The following SNX17 variants were observed in gnomAD, a reference collection of about 807,000 sequenced individuals.
SNX17 encodes sorting nexin-17.
SNX17 carries 35 observed loss-of-function variants against 64.3 expected under a neutral mutation model. The ratio of observed to expected loss-of-function variants is 0.54; its 90% CI spans 0.42 to 0.72. The LOEUF (loss-of-function observed/expected upper bound fraction) is 0.72. Among genes scored for constraint, SNX17 ranks in the 30% least tolerant of loss-of-function variants. SNX17 has a pLI of 0.00. For missense variants in SNX17, 538 were observed against 610.0 expected (o/e 0.88, Z 1.24); for synonymous variants, 259 against 230.2 (o/e 1.13, Z -1.13).
chr2:27,375,376 G>A lies in SNX17; in HGVS notation c.775-130G>A, dbSNP rs1017891058. On this transcript the variant is annotated intron_variant, in intron 9 of 14. Coordinates refer to ENST00000233575, the MANE Select transcript of SNX17 (RefSeq NM_014748.4). This position sits in a 1 kb window ranked among gnomAD's most constrained non-coding sequence, Gnocchi z 4.1. ...GATGGTCTTGAGCTCCTGACCTTGT[G>A]ATCTGTCTGCCTCTGCCTCCTAAAG... 6.1e-6 allele frequency: 6 copies of A among 979,774 alleles called. No individual in the cohort carries two copies. The African/African-American group carries it at 9.6e-5, about 16-fold the overall frequency. The allele number at this position is 979,774 out of a possible 1,614,324, so 60.7% of individuals were successfully genotyped here. A position where few individuals can be genotyped will look rare whatever the true frequency, so the allele number is the denominator to read the frequency against.
rs557537959 is a variant in SNX17 at position 27,370,809 on chromosome 2, G to A, written c.63+3G>A. On this transcript the variant is annotated splice_donor_region_variant and intron_variant, in intron 1 of 14. Transcript: ENST00000233575. ...ACAGCGGCGGCTCCGCCTACGTGGT[G>A]AGGAGCGGCCGGAGCCGAGCCGGGC... 2 of 1,542,640 alleles carry A rather than the reference G, an allele frequency of 1.3e-6. No homozygotes were observed. The highest frequency in any genetic ancestry group is 2.4e-5 in the South Asian group (2 of 83,868).
chr2:27,373,915 G>C lies in SNX17; in HGVS notation c.376G>C (p.Gly126Arg). ...EVSLEVLLSN[G>R]QKVLVNVLTS... ...GTCCTTGGAAGTGCTGCTCAGCAAC[G>C]GGCAGAAAGTTCTGGTCAACGTGCT... The change falls in exon 5 of 15, where the codon GGG (glycine) becomes CGG (arginine). Residue 126 changes from glycine (G) to arginine (R), a missense_variant. Transcript: ENST00000233575. 2 of 1,614,158 alleles carry C rather than the reference G, an allele frequency of 1.2e-6. No individual in the cohort carries two copies. Among genetic ancestry groups the C allele is most frequent in the Non-Finnish European group, 1.7e-6 (2 of 1,180,028 alleles).
chr2:27,374,926 CA>C (rs1219934564), intron 8 of SNX17, 134 bp from the exon 9 acceptor site: 2 of 959,480 alleles, frequency 2.1e-6, no homozygotes, highest in African/African-American at 4.3e-5. Context: ...ATTAAGCTGA[CA>C]AGATCAAGGA....
intron 1 of SNX17, 122 bp downstream of exon 1, chr2:27,370,928 C>T: frequency 9.2e-7 from 1 of 1,091,934 alleles, no homozygotes; most frequent in Non-Finnish European, 1.3e-6. Flanking sequence ...GCCGCCGACT[C>T]CCGACGGCCT....
Position 27,376,698 on chromosome 2 carries a change from C to T in SNX17, c.1392C>T (p.Gly464=), listed in dbSNP as rs1341463813. The T allele has an allele frequency of 1.2e-6, 2 of 1,614,134 alleles. No individual in the cohort carries two copies. Among genetic ancestry groups the T allele is most frequent in the East Asian group, 4.5e-5 (2 of 44,890 alleles). The change falls in exon 15 of 15, where the codon GGC becomes GGT. Residue 464 remains glycine (G), a synonymous_variant. Coordinates refer to ENST00000233575, the MANE Select transcript of SNX17 (RefSeq NM_014748.4). ...SDVHGNFAFE[G]IGDEDL ...TCCACGGCAATTTCGCCTTCGAGGGCATTGGAGATGAGGATCTGTAATCTC... is the reference window on the plus strand; with the variant it reads ...TCCACGGCAATTTCGCCTTCGAGGGTATTGGAGATGAGGATCTGTAATCTC...
At position 27,376,603 on chromosome 2, in the gene SNX17, C is replaced by T. The variant is rs565184583; in HGVS notation, c.1300-3C>T. On this transcript the variant is annotated splice_region_variant and splice_polypyrimidine_tract_variant and intron_variant, in intron 14 of 14. Transcript: ENST00000233575. ...CTCTGACCCCACCCTGCCTTTGTTACAGAGTAAGCTGAGTGCCGTGAGCTT... is the reference window on the plus strand; with the variant it reads ...CTCTGACCCCACCCTGCCTTTGTTATAGAGTAAGCTGAGTGCCGTGAGCTT... The T allele has an allele frequency of 1.9e-6, 3 of 1,614,198 alleles. No individual in the cohort carries two copies. Among genetic ancestry groups the T allele is most frequent in the Admixed American group, 3.3e-5 (2 of 60,020 alleles).
chr2:27,376,492 C>G lies in SNX17; in HGVS notation c.1271C>G (p.Ala424Gly), dbSNP rs759626861. 2 of 1,614,156 alleles carry G rather than the reference C, an allele frequency of 1.2e-6. No individual in the cohort carries two copies. The change falls in exon 14 of 15, where the codon GCC (alanine) becomes GGC (glycine). Residue 424 changes from alanine (A) to glycine (G), a missense_variant. Ala to Gly is a moderately conservative substitution (Grantham distance 60, BLOSUM62 0). Around this residue, in one of 3 missense-constraint regions of SNX17, gnomAD observed 505 missense variants for 550.4 expected, o/e 0.92. Transcript: ENST00000233575. Reference sequence around the variant, plus strand: ...CTTCTTCCCCAGGAGTCACCTGATGCCACCCGGGAGTCTATGGTCAAACTC... The same window carrying G: ...CTTCTTCCCCAGGAGTCACCTGATGGCACCCGGGAGTCTATGGTCAAACTC... Reference protein sequence around the residue: ...KSPPLLESPDATRESMVKLSS... With the variant: ...KSPPLLESPDGTRESMVKLSS...
intron 8 of SNX17, 118 bp downstream of exon 8, chr2:27,374,876 T>C: frequency 9.5e-7 from 1 of 1,052,680 alleles, no homozygotes; most frequent in Non-Finnish European, 1.5e-6. Context: ...CCTAGAATAC[T>C]ATCAGTGCTG....
In SNX17 at chr2:27,376,399, C is replaced by T. The variant is rs376487250; in HGVS notation, c.1257+12C>T. On this transcript the variant is annotated intron_variant, in intron 13 of 14. Coordinates refer to ENST00000233575, the MANE Select transcript of SNX17 (RefSeq NM_014748.4). ...CCCCACCACTGCTTGTAAGTATTAC[C>T]TCCTGGTCAGAACCCTGGCTCTCAG... is the stretch of plus-strand genomic sequence containing the variant. The T allele has an allele frequency of 1.5e-5, 25 of 1,613,956 alleles. No homozygotes were observed. Among genetic ancestry groups the T allele is most frequent in the East Asian group, 2.2e-5 (1 of 44,872 alleles).
Position 27,377,130 on chromosome 2 carries a change from C to T in SNX17, c.*411C>T, listed in dbSNP as rs1182465604. On this transcript the variant is annotated 3_prime_UTR_variant, in exon 15 of 15. Coordinates refer to ENST00000233575, the MANE Select transcript of SNX17 (RefSeq NM_014748.4). The surrounding 1 kb of genome is among the most constrained non-coding windows in gnomAD (Gnocchi z 4.4). ...TAAACTCAGCCTGACTGCTGCCTAC[C>T]TCTGGTTCCCTCTCACTGCCCCTGC... The T allele has an allele frequency of 3.9e-5, 16 of 410,608 alleles. No individual in the cohort carries two copies. The highest frequency in any genetic ancestry group is 3.1e-4 in the South Asian group (14 of 45,324). 25.4% of individuals were successfully genotyped at this position (410,608 alleles called of 1,614,324 possible). A position where few individuals can be genotyped will look rare whatever the true frequency, so the allele number is the denominator to read the frequency against.
chr2:27,376,639 G>C lies in SNX17; in HGVS notation c.1333G>C (p.Gly445Arg). ...GAGTGCCGTGAGCTTGCGGGGAATT[G>C]GCAGTCCCAGCACAGATGCCAGTGC... ...KLSAVSLRGI[G>R]SPSTDASASD... The change falls in exon 15 of 15, where the codon GGC becomes CGC. Residue 445 changes from glycine (G) to arginine (R), a missense_variant. This residue lies in a region of SNX17 where 505 missense variants were observed against 550.4 expected (regional missense o/e 0.92). Transcript: ENST00000233575. The C allele has an allele frequency of 6.2e-7, 1 of 1,614,172 alleles. No homozygotes were observed. The highest frequency in any genetic ancestry group is 1.1e-5 in the South Asian group (1 of 91,088).
rs572827413 is a variant in SNX17, at chr2:27,377,308, A to G, written c.*589A>G. The G allele has an allele frequency of 1.7e-5, 11 of 650,666 alleles. No homozygotes were observed. Among genetic ancestry groups the G allele is most frequent in the African/African-American group, 5.4e-5 (3 of 55,142 alleles). 40.3% of individuals were successfully genotyped at this position (650,666 alleles called of 1,614,324 possible). On this transcript the variant is annotated 3_prime_UTR_variant, in exon 15 of 15. Coordinates refer to ENST00000233575, the MANE Select transcript of SNX17 (RefSeq NM_014748.4). This position sits in a 1 kb window ranked among gnomAD's most constrained non-coding sequence, Gnocchi z 4.4. ...CAGGTGGGAGGCTGGGCAGTCCCCC[A>G]GCCGGTTTGTCCACAGCCCCTGGGG...
chr2:27,376,719 A>G lies in SNX17; in HGVS notation c.1413A>G (p.Ter471=). The change falls in exon 15 of 15, where the codon TAA becomes TAG. Residue 471 remains the stop codon, a stop_retained_variant. Coordinates refer to ENST00000233575, the MANE Select transcript of SNX17 (RefSeq NM_014748.4). The part of the protein sequence containing the change: ...AFEGIGDEDL[*] ...AGGGCATTGGAGATGAGGATCTGTAATCTCCACTGCTTGGATGTCTGCCCT... is the reference window on the plus strand; with the variant it reads ...AGGGCATTGGAGATGAGGATCTGTAGTCTCCACTGCTTGGATGTCTGCCCT... 6.2e-7 allele frequency: 1 copy of G among 1,612,350 alleles called. No homozygotes were observed. The highest frequency in any genetic ancestry group is 8.5e-7 in the Non-Finnish European group (1 of 1,178,412).
At chr2:27,370,918 G>T in intron 1 of SNX17, 112 bp downstream of exon 1, 2 of 1,218,822 alleles carry the variant, frequency 1.6e-6, no homozygotes, top group Non-Finnish European at 2.2e-6. Flanking sequence ...CTGGTCCTGG[G>T]CCGCCGACTC....
chr2:27,376,682 A>AT lies in SNX17; in HGVS notation c.1379dup (p.Ala461ArgfsTer8). 6.2e-7 allele frequency: 1 copy of AT among 1,614,140 alleles called. No homozygotes were observed. The highest frequency in any genetic ancestry group is 8.5e-7 in the Non-Finnish European group (1 of 1,180,012). ...GCCAGTGCCAGTGATGTCCACGGCA[A>AT]TTTCGCCTTCGAGGGCATTGGAGAT... On this transcript the variant is annotated frameshift_variant, in exon 15 of 15. Coordinates refer to ENST00000233575, the MANE Select transcript of SNX17 (RefSeq NM_014748.4). LOFTEE classifies it high-confidence loss of function.
chr2:27,376,093 T>C lies in SNX17; in HGVS notation c.1105-13T>C. ...ACCACTCTCATCAAGCTGGACACTCTTCTTGCCCTCAGGCTATCATGATGA... is the reference window on the plus strand; with the variant it reads ...ACCACTCTCATCAAGCTGGACACTCCTCTTGCCCTCAGGCTATCATGATGA... On this transcript the variant is annotated splice_polypyrimidine_tract_variant and intron_variant, in intron 11 of 14. Transcript: ENST00000233575. 6.2e-7 allele frequency: 1 copy of C among 1,614,148 alleles called. No individual in the cohort carries two copies. Among genetic ancestry groups the C allele is most frequent in the Non-Finnish European group, 8.5e-7 (1 of 1,180,002 alleles).
chr2:27,377,213 G>C lies in SNX17; in HGVS notation c.*494G>C, dbSNP rs958559442. ...GGGTAAGGCCAAATTGCCTGCCATT[G>C]CCAATTCAGCATAGACATGGCTTTG... On this transcript the variant is annotated 3_prime_UTR_variant, in exon 15 of 15. Transcript: ENST00000233575. The surrounding 1 kb of genome is among the most constrained non-coding windows in gnomAD (Gnocchi z 4.4). 1 of 503,616 alleles carries C rather than the reference G, an allele frequency of 2.0e-6. No individual in the cohort carries two copies. The highest frequency in any genetic ancestry group is 3.6e-6 in the Non-Finnish European group (1 of 275,232). 31.2% of individuals were successfully genotyped at this position (503,616 alleles called of 1,614,324 possible).
In SNX17 at chr2:27,375,855, C is replaced by G. The variant is rs373926036; in HGVS notation, c.988C>G (p.Pro330Ala). ...CCCCTTCCTCTCCCAGGTACCATTG[C>G]CCAGTGGAAGCACGAGCAGCCCAGG... ...CWRVTSSVPL[P>A]SGSTSSPGRG... The change falls in exon 11 of 15, where the codon CCC (proline) becomes GCC (alanine). Residue 330 changes from proline to alanine, a missense_variant. This residue lies in a region of SNX17 where 505 missense variants were observed against 550.4 expected (regional missense o/e 0.92). Transcript: ENST00000233575. This position sits in a 1 kb window ranked among gnomAD's most constrained non-coding sequence, Gnocchi z 4.1. The G allele has an allele frequency of 5.6e-5, 90 of 1,613,862 alleles. No homozygotes were observed. Among genetic ancestry groups the G allele is most frequent in the Non-Finnish European group, 6.4e-5 (76 of 1,179,964 alleles).
chr2:27,372,334 T>C (rs10178383), intron 2 of SNX17, among the ~76,000 whole-genome samples: 1,828 of 152,308 alleles, frequency 0.012, 38 homozygotes, highest in African/African-American at 0.042. Flanking sequence ...TGAACAGTCT[T>C]GCTAGGTGGT....
Sources: allele counts gnomAD v4.1 joint callset (sites outside exome capture counted in the v4.1 genomes callset), GRCh38; gene constraint gnomAD v4.1.1; regional missense constraint gnomAD v4.1.1; non-coding constraint Gnocchi (gnomAD v3.1); transcripts MANE v1.5; gene names NCBI Gene and HGNC (gene_info 2026-07-23, HGNC 2026-07-21).